Variants in CCT3 observed in about 807,000 individuals in gnomAD.
CCT3 encodes the protein T-complex protein 1 subunit gamma.
Under a neutral mutation model 65.3 loss-of-function variants are expected in CCT3, and 10 were observed. The ratio of observed to expected loss-of-function variants is 0.15; its 90% CI spans 0.09 to 0.26. CCT3 has a LOEUF of 0.26. CCT3 is among the 10% of genes least tolerant of loss of function. CCT3 has a pLI of 1.00. For synonymous variants in CCT3, 225 were observed against 242.3 expected (o/e 0.93, Z 0.66); for missense variants, 626 against 708.7 (o/e 0.88, Z 1.33).
chr1:156,336,904 T>C (rs1665402315), intron 1 of CCT3, among the ~76,000 whole-genome samples: 1 of 152,190 alleles, frequency 6.6e-6, no homozygotes, highest in Non-Finnish European at 1.5e-5. Flanking sequence ...GGCTTTTTTT[T>C]TTCAAAATAG....
rs139551758 is a variant in CCT3 at position 156,321,016 on chromosome 1, G to C, written c.432C>G (p.Val144=). Residue 144 remains valine, a synonymous_variant, in exon 7 of 14, where the codon GTC becomes GTG. Coordinates refer to ENST00000295688, the MANE Select transcript of CCT3 (RefSeq NM_005998.5). ...GCATCATATCACTGTCACTGATGTC[G>C]ACTGGGATACTAGAGAAAAGAAAAC... is the stretch of plus-strand genomic sequence containing the variant. ...ISTLKKISIP[V]DISDSDMMLN... 1.2e-6 allele frequency: 2 copies of C among 1,612,534 alleles called. No individual in the cohort carries two copies. The highest frequency in any genetic ancestry group is 1.7e-5 in the Admixed American group (1 of 59,906).
Position 156,332,272 on chromosome 1 carries a change from A to G in CCT3, c.304+1275T>C, listed in dbSNP as rs574991336. Among the ~76,000 whole-genome samples the G allele has an allele frequency of 3.8e-3, 583 of 152,312 alleles. 2 individuals are homozygous for G. The highest frequency in any genetic ancestry group is 6.1e-3 in the Non-Finnish European group (417 of 68,028). ...CGTGATCTGCCCACCTTGGCCTCCC[A>G]AAGTGCTGGGATTACAGGTGTCAGC... On this transcript the variant is annotated intron_variant, in intron 5 of 13. Coordinates refer to ENST00000295688, the MANE Select transcript of CCT3 (RefSeq NM_005998.5).
chr1:156,325,935 A>G (rs1664785471), intron 5 of CCT3, among the ~76,000 whole-genome samples: 1 of 152,182 alleles, frequency 6.6e-6, no homozygotes, highest in South Asian at 2.1e-4. Context: ...AAATAAAGAA[A>G]AATGCACAAA....
intron 10 of CCT3, among the ~76,000 whole-genome samples, chr1:156,313,449 G>A (rs771726339): frequency 5.3e-5 from 8 of 151,680 alleles, no homozygotes; most frequent in African/African-American, 7.3e-5. Flanking sequence ...GACCTAATCA[G>A]GAAGATTATG....
intron 6 of CCT3, among the ~76,000 whole-genome samples, chr1:156,324,523 G>A (rs923287144): frequency 1.3e-5 from 2 of 152,132 alleles, no homozygotes; most frequent in Non-Finnish European, 2.9e-5. Context: ...TCAGGTTGGA[G>A]TGCAGTGGAG....
intron 10 of CCT3, 44 bp from the exon 11 acceptor site, chr1:156,312,265 C>A: frequency 6.3e-7 from 1 of 1,580,734 alleles, no homozygotes; most frequent in Non-Finnish European, 8.6e-7. Context: ...ATTTCAGATA[C>A]TTGTACCCAT....
At chr1:156,332,051 G>C (rs563511332) in intron 5 of CCT3, among the ~76,000 whole-genome samples, 4 of 148,060 alleles carry the variant, frequency 2.7e-5, no homozygotes, top group African/African-American at 9.8e-5. Context: ...AAAGAGACAT[G>C]GTCTTGCTTT....
At chr1:156,326,246 TTGAGCCCAGAAGGTCAAGGCTGCAG>T (rs1490591141) in intron 5 of CCT3, among the ~76,000 whole-genome samples, 11 of 152,208 alleles carry the variant, frequency 7.2e-5, no homozygotes, top group African/African-American at 2.4e-4. Flanking sequence ...GGAGGACTCA[TTGAGCCCAGAAGGTCAAGGCTGCAG>T]TGAGCCGTGA....
At chr1:156,324,482 T>C (rs1455037169) in intron 6 of CCT3, among the ~76,000 whole-genome samples, 3 of 152,178 alleles carry the variant, frequency 2.0e-5, no homozygotes, top group Non-Finnish European at 2.9e-5. Context: ...TTCTTTTTTT[T>C]CTTCTGAGAT....
At chr1:156,330,609 C>T (rs1253021313) in intron 5 of CCT3, among the ~76,000 whole-genome samples, 1 of 152,070 alleles carries the variant, frequency 6.6e-6, no homozygotes, top group Non-Finnish European at 1.5e-5. Context: ...TTGCAGTGAG[C>T]CAAGATGATG....
intron 5 of CCT3, among the ~76,000 whole-genome samples, chr1:156,328,911 T>C (rs1368041264): frequency 6.6e-6 from 1 of 152,098 alleles, no homozygotes; most frequent in Non-Finnish European, 1.5e-5. Flanking sequence ...TGCTCCAGTG[T>C]TTGAATTCAA....
chr1:156,328,500 T>C (rs1664959728), intron 5 of CCT3, among the ~76,000 whole-genome samples: 1 of 152,036 alleles, frequency 6.6e-6, no homozygotes, highest in Non-Finnish European at 1.5e-5. Context: ...CTTTTCATTT[T>C]GTTCTGTACT....
chr1:156,319,153 C>T, intron 7 of CCT3, 136 bp from the exon 8 acceptor site: 2 of 714,878 alleles, frequency 2.8e-6, no homozygotes, highest in Non-Finnish European at 2.2e-6. Context: ...CGCTCTGTCG[C>T]TCAGGCTGGA....
chr1:156,315,905 T>G (rs936689271), intron 10 of CCT3, among the ~76,000 whole-genome samples: 1 of 152,178 alleles, frequency 6.6e-6, no homozygotes, highest in Non-Finnish European at 1.5e-5. Flanking sequence ...AAAATTAACA[T>G]GTCTATACTA....
At chr1:156,327,415 C>T (rs936801183) in intron 5 of CCT3, among the ~76,000 whole-genome samples, 3 of 151,622 alleles carry the variant, frequency 2.0e-5, no homozygotes, top group Non-Finnish European at 3.0e-5. Context: ...CTCAGCCTGC[C>T]GAGTGCCTGC....
In CCT3 at chr1:156,338,263, C is replaced by A; in HGVS notation, c.-79G>T. ...CTGGAGAGAGAGAACCAGACAGAAG[C>A]CCAGAAAACGCTGCCTCCTCAGGGC... On this transcript the variant is annotated 5_prime_UTR_variant, in exon 1 of 14. Coordinates refer to ENST00000295688, the MANE Select transcript of CCT3 (RefSeq NM_005998.5). 6.8e-7 allele frequency: 1 copy of A among 1,464,236 alleles called. No homozygotes were observed. The highest frequency in any genetic ancestry group is 9.4e-7 in the Non-Finnish European group (1 of 1,067,780). 90.7% of individuals were successfully genotyped at this position (1,464,236 alleles called of 1,614,324 possible).
chr1:156,337,215 C>A, intron 1 of CCT3: 1 of 407,096 alleles, frequency 2.5e-6, no homozygotes, highest in Non-Finnish European at 4.3e-6. Context: ...GGAGACCAGC[C>A]TGGTCAACAT....
intron 5 of CCT3, among the ~76,000 whole-genome samples, chr1:156,328,044 G>C: frequency 2.3e-4 from 1 of 4,276 alleles, no homozygotes; most frequent in African/African-American, 8.6e-4. Context: ...GGAGGTGGGG[G>C]TCCAGCCGCC....
At chr1:156,315,362 C>T (rs556896759) in intron 10 of CCT3, among the ~76,000 whole-genome samples, 1 of 152,222 alleles carries the variant, frequency 6.6e-6, no homozygotes, top group South Asian at 2.1e-4. Context: ...GCATGCACCA[C>T]CACACCTAGC....
Sources: gnomAD v4.1 joint callset for allele counts (sites outside exome capture counted in the v4.1 genomes callset) on GRCh38, gnomAD v4.1.1 for gene constraint, MANE v1.5 for transcripts, NCBI Gene and HGNC (gene_info 2026-07-23, HGNC 2026-07-21) for gene names.